Variants in NBAS observed in about 807,000 individuals in gnomAD.
NBAS encodes NBAS subunit of NRZ tethering complex.
Under a neutral mutation model 302.5 loss-of-function variants are expected in NBAS, and 219 were observed. The ratio of observed to expected loss-of-function variants is 0.72; its 90% CI spans 0.65 to 0.81. The LOEUF (loss-of-function observed/expected upper bound fraction) is 0.81. Among genes scored for constraint, NBAS ranks in the 30% least tolerant of loss-of-function variants. The pLI, the probability that NBAS is intolerant of heterozygous loss-of-function variation, is 0.00. For synonymous variants in NBAS, 1,118 were observed against 1,021.6 expected (o/e 1.09, Z -1.80); for missense variants, 2,932 against 2,841.6 (o/e 1.03, Z -0.72).
intron 23 of NBAS, among the ~76,000 whole-genome samples, chr2:15,419,837 G>A (rs1677126382): frequency 6.6e-6 from 1 of 151,666 alleles, no homozygotes; most frequent in African/African-American, 2.4e-5. Context: ...TCAGCCTCCC[G>A]AGTAGTTGGG....
chr2:15,349,608 C>A (rs544057160), intron 35 of NBAS, among the ~76,000 whole-genome samples: 2 of 152,228 alleles, frequency 1.3e-5, no homozygotes, highest in Non-Finnish European at 2.9e-5. Context: ...GATGTCCAAT[C>A]TGGTAGACAG....
the NBAS span, among the ~76,000 whole-genome samples, chr2:15,014,031 G>A: frequency 6.6e-6 from 1 of 151,880 alleles, no homozygotes; most frequent in Non-Finnish European, 1.5e-5. Context: ...CAGACTTTAA[G>A]TCAAAAAATA....
intron 21 of NBAS, among the ~76,000 whole-genome samples, chr2:15,434,707 A>ATAGTAATCAACT: frequency 6.6e-6 from 1 of 152,386 alleles, no homozygotes; most frequent in South Asian, 2.1e-4. Flanking sequence ...ACTTTCATTT[A>ATAGTAATCAACT]TAGTAATCAA....
the NBAS span, among the ~76,000 whole-genome samples, chr2:15,073,393 T>C: frequency 6.6e-6 from 1 of 151,196 alleles, no homozygotes; most frequent in Non-Finnish European, 1.5e-5. Flanking sequence ...GCAGAATCAC[T>C]TGAACCTGGG....
At chr2:15,040,331 T>C in the NBAS span, among the ~76,000 whole-genome samples, 4 of 152,270 alleles carry the variant, frequency 2.6e-5, no homozygotes, top group Admixed American at 1.3e-4. Context: ...CAGGGTAACA[T>C]AGAGCCTGAA....
chr2:14,784,377 C>T, the NBAS span, among the ~76,000 whole-genome samples: 5 of 152,308 alleles, frequency 3.3e-5, no homozygotes, highest in Non-Finnish European at 7.3e-5. Flanking sequence ...GTGTTTTAGA[C>T]ATGAAGTCCT....
chr2:15,323,423 G>C (rs75554008), intron 38 of NBAS, among the ~76,000 whole-genome samples: 1 of 152,296 alleles, frequency 6.6e-6, no homozygotes, highest in East Asian at 1.9e-4. Flanking sequence ...GTGCTGCCTG[G>C]TGAGAAGCTC....
chr2:15,111,441 G>A, the NBAS span, among the ~76,000 whole-genome samples: 19 of 152,240 alleles, frequency 1.2e-4, no homozygotes, highest in African/African-American at 4.1e-4. Flanking sequence ...GGTGGAATCA[G>A]TAGGCAACTG....
chr2:15,456,561 T>C (rs149272859), intron 21 of NBAS, among the ~76,000 whole-genome samples: 1 of 152,354 alleles, frequency 6.6e-6, no homozygotes, highest in African/African-American at 2.4e-5. Context: ...TCCTTCTTTA[T>C]GGATCTTACA....
the NBAS span, among the ~76,000 whole-genome samples, chr2:14,877,234 C>T: frequency 8.5e-5 from 13 of 152,294 alleles, no homozygotes; most frequent in Admixed American, 2.0e-4. Flanking sequence ...GCTGTGTTTT[C>T]GCACTGCTTT....
intron 50 of NBAS, 86 bp from the exon 51 acceptor site, chr2:15,179,202 T>C (rs959476099): frequency 1.9e-6 from 3 of 1,602,420 alleles, no homozygotes; most frequent in South Asian, 1.1e-5. Flanking sequence ...CACCCCTTTT[T>C]CTGTGGTAGC....
chr2:14,831,537 A>G, the NBAS span, among the ~76,000 whole-genome samples: 1 of 152,136 alleles, frequency 6.6e-6, no homozygotes, highest in Admixed American at 6.6e-5. Context: ...TAGTCATGCA[A>G]TTTTTCTTTG....
intron 1 of NBAS, among the ~76,000 whole-genome samples, chr2:15,559,068 A>AAAAAAAAAAAAAAAC (rs1664787569): frequency 6.8e-6 from 1 of 146,878 alleles, no homozygotes; most frequent in Non-Finnish European, 1.5e-5. Context: ...GCCTCAAAAA[A>AAAAAAAAAAAAAAAC]AAAAAAAAAA....
intron 12 of NBAS, among the ~76,000 whole-genome samples, chr2:15,480,491 T>C (rs1002994293): frequency 6.6e-6 from 1 of 151,708 alleles, no homozygotes; most frequent in South Asian, 2.1e-4. Flanking sequence ...AAGAGAGGTA[T>C]AGATAAAAGG....
At chr2:14,781,701 T>C in the NBAS span, among the ~76,000 whole-genome samples, 8 of 148,666 alleles carry the variant, frequency 5.4e-5, no homozygotes, top group African/African-American at 2.0e-4. Flanking sequence ...AGTACTTTTA[T>C]GAAGCACTCT....
the NBAS span, among the ~76,000 whole-genome samples, chr2:14,831,024 G>T: frequency 5.3e-5 from 8 of 152,126 alleles, no homozygotes; most frequent in Admixed American, 3.9e-4. Context: ...ATTGCCCACG[G>T]CCTGGAAGCC....
At chr2:15,256,497 T>C (rs1270721408) in intron 44 of NBAS, among the ~76,000 whole-genome samples, 2 of 152,192 alleles carry the variant, frequency 1.3e-5, no homozygotes, top group African/African-American at 4.8e-5. Flanking sequence ...TGGCAAATAG[T>C]GGCTGTTTGA....
chr2:15,495,873 C>CT (rs1041154290), intron 11 of NBAS, among the ~76,000 whole-genome samples: 2 of 152,164 alleles, frequency 1.3e-5, no homozygotes, highest in African/African-American at 4.8e-5. Context: ...GGAAAACTAT[C>CT]TGACAACTCC....
At chr2:15,107,500 A>G in the NBAS span, among the ~76,000 whole-genome samples, 1 of 152,100 alleles carries the variant, frequency 6.6e-6, no homozygotes, top group South Asian at 2.1e-4. Flanking sequence ...CTAAAAGGTA[A>G]CAGGAATATG....
Sources: gnomAD v4.1 joint callset for allele counts (sites outside exome capture counted in the v4.1 genomes callset) on GRCh38, gnomAD v4.1.1 for gene constraint, MANE v1.5 for transcripts, NCBI Gene and HGNC (gene_info 2026-07-23, HGNC 2026-07-21) for gene names.